The following NOTCH3 variants were observed in gnomAD, a reference collection of about 807,000 sequenced individuals.
NOTCH3 encodes neurogenic locus notch homolog protein 3.
NOTCH3 carries 86 observed loss-of-function variants against 213.3 expected under a neutral mutation model. The ratio of observed to expected loss-of-function variants is 0.40; its 90% CI spans 0.34 to 0.48. The LOEUF (loss-of-function observed/expected upper bound fraction) is 0.48. Among genes scored for constraint, NOTCH3 ranks in the 20% least tolerant of loss-of-function variants. The pLI is 0.57. For missense variants in NOTCH3, 2,783 were observed against 3,272.6 expected (o/e 0.85, Z 3.65); for synonymous variants, 1,354 against 1,355.9 (o/e 1.00, Z 0.03).
In NOTCH3 at chr19:15,178,110, A is replaced by G. The variant is rs1599379058; in HGVS notation, c.3838-20T>C. On this transcript the variant is annotated intron_variant, in intron 23 of 32. Transcript: ENST00000263388. The stretch of plus-strand genomic sequence containing the variant: ...GAACGGCTGGGGGTCGGGTTTGGGG[A>G]GGGAGGGATAAAAATGAGGGTGGGG... 1 of 1,197,592 alleles carries G rather than the reference A, an allele frequency of 8.4e-7. No homozygotes were observed. The highest frequency in any genetic ancestry group is 1.1e-6 in the Non-Finnish European group (1 of 895,700). 74.2% of individuals were successfully genotyped at this position (1,197,592 alleles called of 1,614,324 possible).
intron 1 of NOTCH3, among the ~76,000 whole-genome samples, chr19:15,199,965 G>A (rs2046998550): frequency 1.3e-5 from 2 of 151,554 alleles, no homozygotes; most frequent in South Asian, 4.2e-4. Context: ...GTCTGGCAAA[G>A]AAAGCGCGAG....
At chr19:15,197,396 A>T in intron 2 of NOTCH3, 104 bp downstream of exon 2, 4 of 1,031,042 alleles carry the variant, frequency 3.9e-6, no homozygotes, top group Non-Finnish European at 1.5e-6. Flanking sequence ...AGGAAGTGGT[A>T]GAGACATCCA....
chr19:15,184,489 G>A (rs767551233), intron 15 of NOTCH3, 39 bp from the exon 16 acceptor site: 1 of 1,605,670 alleles, frequency 6.2e-7, no homozygotes, highest in African/African-American at 1.3e-5. Context: ...GGGTTACAGG[G>A]TACAGAGCAG....
chr19:15,187,240 C>T lies in NOTCH3; in HGVS notation c.1705G>A (p.Ala569Thr). ...GTGCCCGTGTAGCCAGGAGCACAGGCACATGAGAAGCTGGCGATGCCATCC... is the reference window on the plus strand; with the variant it reads ...GTGCCCGTGTAGCCAGGAGCACAGGTACATGAGAAGCTGGCGATGCCATCC... ...CVDGIASFSCACAPGYTGTRC... is the reference protein window; with the variant it reads ...CVDGIASFSCTCAPGYTGTRC... The change falls in exon 11 of 33, where the codon GCC becomes ACC. Residue 569 changes from alanine to threonine, a missense_variant. Physicochemically the swap from Ala to Thr is moderately conservative, Grantham distance 58. Coordinates refer to ENST00000263388, the MANE Select transcript of NOTCH3 (RefSeq NM_000435.3). 6.2e-7 allele frequency: 1 copy of T among 1,614,148 alleles called. No individual in the cohort carries two copies. Among genetic ancestry groups the T allele is most frequent in the African/African-American group, 1.3e-5 (1 of 75,060 alleles).
At chr19:15,162,117 G>A (rs1301648816) in intron 32 of NOTCH3, among the ~76,000 whole-genome samples, 1 of 151,342 alleles carries the variant, frequency 6.6e-6, no homozygotes, top group African/African-American at 2.4e-5. Context: ...GAGCAGCTGG[G>A]ACTACAGGTG....
rs375087797 is a variant in NOTCH3, at chr19:15,174,270, C to T, written c.4534G>A (p.Val1512Met). The change falls in exon 25 of 33, where the codon GTG (valine) becomes ATG (methionine). Residue 1512 changes from valine (V) to methionine (M), a missense_variant. Coordinates refer to ENST00000263388, the MANE Select transcript of NOTCH3 (RefSeq NM_000435.3). ...GGCAGCAGCACTGTGAGCACCAGCA[C>T]GCCGCGGGCCAGCAGGGCCGGCACC... ...SEVPALLARG[V>M]LVLTVLLPPE... 27 of 1,569,740 alleles carry T rather than the reference C, an allele frequency of 1.7e-5. No homozygotes were observed. Among genetic ancestry groups the T allele is most frequent in the Non-Finnish European group, 2.1e-5 (24 of 1,160,618 alleles).
In NOTCH3 at chr19:15,181,230, G is replaced by T. The variant is rs1199813953; in HGVS notation, c.2793-68C>A. The T allele has an allele frequency of 4.9e-6, 7 of 1,426,052 alleles. No individual in the cohort carries two copies. The East Asian group carries it at 1.2e-4, about 24-fold the overall frequency. The allele number at this position is 1,426,052 out of a possible 1,614,324, so 88.3% of individuals were successfully genotyped here. A position where few individuals can be genotyped will look rare whatever the true frequency, so the allele number is the denominator to read the frequency against. ...TCACAGGCCCTGCCCTCCTTCCTGA[G>T]TCCCGCTGTTAGCGCTGGGGACGTC... On this transcript the variant is annotated intron_variant, in intron 17 of 32. Transcript: ENST00000263388.
At chr19:15,162,227 C>A in intron 32 of NOTCH3, 1 of 528,746 alleles carries the variant, frequency 1.9e-6, no homozygotes, top group Non-Finnish European at 3.4e-6. Context: ...AGTAATCCAC[C>A]CATCTCGACC....
chr19:15,161,033 C>A lies in NOTCH3; in HGVS notation c.6595G>T (p.Gly2199Trp). ...CGCTCCTGCGGGGAGACGGGGGTCCCTGGGTTGAGCAGCTGGGGTCCCGGC... is the reference window on the plus strand; with the variant it reads ...CGCTCCTGCGGGGAGACGGGGGTCCATGGGTTGAGCAGCTGGGGTCCCGGC... ...LAPGPQLLNP[G>W]TPVSPQERPP... is the part of the protein sequence containing the mutation. The change falls in exon 33 of 33, where the codon GGG becomes TGG. Residue 2199 changes from glycine (G) to tryptophan (W), a missense_variant. Around this residue, in one of 6 missense-constraint regions of NOTCH3, gnomAD observed 441 missense variants for 432.1 expected, o/e 1.02. Coordinates refer to ENST00000263388, the MANE Select transcript of NOTCH3 (RefSeq NM_000435.3). 2 of 1,538,670 alleles carry A rather than the reference C, an allele frequency of 1.3e-6. No individual in the cohort carries two copies. Among genetic ancestry groups the A allele is most frequent in the Middle Eastern group, 1.7e-4 (1 of 5,732 alleles).
Position 15,185,328 on chromosome 19 carries a change from G to A in NOTCH3, c.2225C>T (p.Pro742Leu), listed in dbSNP as rs780152379. The A allele has an allele frequency of 6.8e-6, 11 of 1,612,952 alleles. No homozygotes were observed. Among genetic ancestry groups the A allele is most frequent in the Admixed American group, 1.7e-5 (1 of 60,000 alleles). ...GCTGCATGTCCCACCGGCCCTGCACGGCTGGGACTCACAGGCGTCTCGGGC... is the reference window on the plus strand; with the variant it reads ...GCTGCATGTCCCACCGGCCCTGCACAGCTGGGACTCACAGGCGTCTCGGGC... ...SLARDACESQ[P>L]CRAGGTCSSD... The change falls in exon 14 of 33, where the codon CCG becomes CTG. Residue 742 changes from proline (P) to leucine (L), a missense_variant. Coordinates refer to ENST00000263388, the MANE Select transcript of NOTCH3 (RefSeq NM_000435.3). This position sits in a 1 kb window ranked among gnomAD's most constrained non-coding sequence, Gnocchi z 4.2.
Position 15,185,691 on chromosome 19 carries a change from A to C in NOTCH3, c.1952-12T>G. ...GTTACAAAGGGGCCCTGGGGAGTACACAAGCAATCTCATCTCAGAACAAAG... is the reference window on the plus strand; with the variant it reads ...GTTACAAAGGGGCCCTGGGGAGTACCCAAGCAATCTCATCTCAGAACAAAG... On this transcript the variant is annotated splice_polypyrimidine_tract_variant and intron_variant, in intron 12 of 32. Coordinates refer to ENST00000263388, the MANE Select transcript of NOTCH3 (RefSeq NM_000435.3). The surrounding 1 kb of genome is among the most constrained non-coding windows in gnomAD (Gnocchi z 4.2). 6.2e-7 allele frequency: 1 copy of C among 1,612,564 alleles called. No homozygotes were observed.
At chr19:15,169,196 C>G (rs1194010751) in intron 28 of NOTCH3, among the ~76,000 whole-genome samples, 2 of 3,278 alleles carry the variant, frequency 6.1e-4, no homozygotes, top group African/African-American at 2.0e-3. Flanking sequence ...GTCTCTCTCT[C>G]TCTCTCTCTC....
rs1370018500 is a variant in NOTCH3 at position 15,170,787 on chromosome 19, A to C, written c.4775T>G (p.Leu1592Arg). 6.2e-7 allele frequency: 1 copy of C among 1,613,396 alleles called. No homozygotes were observed. The highest frequency in any genetic ancestry group is 1.1e-5 in the South Asian group (1 of 90,882). The change falls in exon 26 of 33, where the codon CTG becomes CGG. Residue 1592 changes from leucine (L) to arginine (R), a missense_variant. Leu to Arg is a moderately radical substitution (Grantham distance 102, BLOSUM62 -2). Around this residue, in one of 6 missense-constraint regions of NOTCH3, gnomAD observed 636 missense variants for 801.8 expected, o/e 0.79. Transcript: ENST00000263388. ...VMLEIDNRLC[L>R]QSPENDHCFP... The stretch of plus-strand genomic sequence containing the variant: ...GCAGTGATCATTCTCAGGCGACTGC[A>C]GGCAGAGCCGGTTGTCAATCTCCAG...
chr19:15,197,441 G>GCCC, intron 2 of NOTCH3, 59 bp downstream of exon 2: 17 of 768,344 alleles, frequency 2.2e-5, no homozygotes, highest in Admixed American at 4.0e-5. Flanking sequence ...AAGACAAATC[G>GCCC]CCCCTCCCCC....
Position 15,181,554 on chromosome 19 carries a change from T to A in NOTCH3, c.2792+22A>T, listed in dbSNP as rs568244512. The A allele has an allele frequency of 2.0e-4, 302 of 1,542,784 alleles. 1 individual carries two copies. The East Asian group carries it at 6.6e-3, about 34-fold the overall frequency. On this transcript the variant is annotated intron_variant, in intron 17 of 32. Transcript: ENST00000263388. ...CCATCCCAAGCCAGAGTCCCTGCTC[T>A]CCAAGCAGAGGCCCCGCCCACCTGG...
intron 8 of NOTCH3, 81 bp downstream of exon 8, chr19:15,188,908 T>A (rs2046905343): frequency 2.1e-6 from 3 of 1,433,208 alleles, no homozygotes; most frequent in Non-Finnish European, 1.9e-6. Flanking sequence ...TTACACCCCA[T>A]TCTGCTCAGC....
At position 15,170,480 on chromosome 19, in the gene NOTCH3, C is replaced by T; in HGVS notation, c.4965G>A (p.Leu1655=). The change falls in exon 27 of 33, where the codon CTG becomes CTA. Residue 1655 remains leucine (L), a synonymous_variant. Coordinates refer to ENST00000263388, the MANE Select transcript of NOTCH3 (RefSeq NM_000435.3). The part of the protein sequence containing the change: ...PLLVAGAVLL[L]VILVLGVMVA... ...CCATGACACCCAGGACGAGAATGAC[C>T]AGCAGCAAGACAGCGCCCGCCACTA... 1 of 1,607,040 alleles carries T rather than the reference C, an allele frequency of 6.2e-7. No individual in the cohort carries two copies.
chr19:15,161,487 C>T lies in NOTCH3; in HGVS notation c.6141G>A (p.Gly2047=), dbSNP rs956342271. 6.3e-7 allele frequency: 1 copy of T among 1,583,366 alleles called. No individual in the cohort carries two copies. Among genetic ancestry groups the T allele is most frequent in the African/African-American group, 1.3e-5 (1 of 74,562 alleles). Reference sequence around the variant, plus strand: ...CCGCTTTGAGGCCAGGGAGGAAGGCCCCTGGAGGACAGAGCAGAGGCCCCA... The same window carrying T: ...CCGCTTTGAGGCCAGGGAGGAAGGCTCCTGGAGGACAGAGCAGAGGCCCCA... The part of the protein sequence containing the change: ...HGLGPLLCPP[G]AFLPGLKAAQ... The change falls in exon 33 of 33, where the codon GGG becomes GGA. Residue 2047 remains glycine, a synonymous_variant. Transcript: ENST00000263388.
chr19:15,168,870 T>G (rs1024934807), intron 28 of NOTCH3, among the ~76,000 whole-genome samples: 2 of 151,980 alleles, frequency 1.3e-5, no homozygotes, highest in African/African-American at 4.8e-5. Flanking sequence ...AATCATACAC[T>G]AAAACCCTAA....
Sources: gnomAD v4.1 joint callset for allele counts (sites outside exome capture counted in the v4.1 genomes callset) on GRCh38, gnomAD v4.1.1 for gene constraint, gnomAD v4.1.1 regional missense constraint, Gnocchi (gnomAD v3.1) non-coding constraint, MANE v1.5 for transcripts, NCBI Gene and HGNC (gene_info 2026-07-23, HGNC 2026-07-21) for gene names.